CALD1: variants seen among roughly 807,000 people sequenced by gnomAD.
The protein encoded by CALD1 is caldesmon 1.
In CALD1, 33 loss-of-function variants were observed where a neutral mutation model predicts 99.9. That is an observed-to-expected ratio of 0.33 (90% CI 0.25 to 0.44). CALD1 has a LOEUF of 0.44. Ranked by LOEUF, CALD1 falls within the 20% of genes least tolerant of loss-of-function variation. The pLI, the probability that CALD1 is intolerant of heterozygous loss-of-function variation, is 1.00. For missense variants in CALD1, 861 were observed against 962.1 expected (o/e 0.89, Z 1.39); for synonymous variants, 310 against 325.0 (o/e 0.95, Z 0.50).
chr7:134,721,706 C>T, the CALD1 span, among the ~76,000 whole-genome samples: 2 of 152,048 alleles, frequency 1.3e-5, no homozygotes, highest in African/African-American at 2.4e-5. Flanking sequence ...CCCTTCTTGG[C>T]GGTAGTGTCT....
chr7:134,955,893 G>A (rs1807727699), intron 9 of CALD1, among the ~76,000 whole-genome samples: 1 of 152,134 alleles, frequency 6.6e-6, no homozygotes, highest in African/African-American at 2.4e-5. Context: ...AAATAGGATA[G>A]ATGGATGGAT....
intron 1 of CALD1, among the ~76,000 whole-genome samples, chr7:134,747,027 A>G (rs542605069): frequency 1.1e-5 from 1 of 88,604 alleles, no homozygotes; most frequent in Admixed American, 1.3e-4. Context: ...AAAATTTTAG[A>G]AGACTTAGTC....
upstream of CALD1, chr7:134,779,608 C>CG: frequency 2.5e-6 from 1 of 398,578 alleles, no homozygotes; most frequent in Non-Finnish European, 4.4e-6. Flanking sequence ...CAAGGAAGGG[C>CG]GGTCTGGAGT....
chr7:134,853,145 AAC>A (rs1452030332), intron 2 of CALD1, among the ~76,000 whole-genome samples: 1 of 152,152 alleles, frequency 6.6e-6, no homozygotes, highest in Admixed American at 6.5e-5. Context: ...GAATTCTGGC[AAC>A]AGTTTCTGAT....
chr7:134,759,107 C>T (rs990399434), intron 1 of CALD1, among the ~76,000 whole-genome samples: 3 of 152,312 alleles, frequency 2.0e-5, no homozygotes, highest in Middle Eastern at 3.4e-3. Context: ...AAATGCATGA[C>T]CATCACGTTT....
At chr7:134,873,745 A>G (rs1232730270) in intron 3 of CALD1, among the ~76,000 whole-genome samples, 1 of 152,194 alleles carries the variant, frequency 6.6e-6, no homozygotes, top group East Asian at 1.9e-4. Context: ...AAATTATTCA[A>G]TCTTTCAAAT....
chr7:134,865,836 G>T (rs1800780227), intron 2 of CALD1, among the ~76,000 whole-genome samples: 1 of 152,202 alleles, frequency 6.6e-6, no homozygotes, highest in African/African-American at 2.4e-5. Context: ...CAAACAGCCA[G>T]AATGACTACT....
In CALD1 at chr7:134,947,600, G is replaced by A; in HGVS notation, c.1625G>A (p.Arg542His). Residue 542 changes from arginine (R) to histidine (H), a missense_variant, in exon 8 of 15, where the codon CGT (arginine) becomes CAT (histidine). By Grantham distance (29) the Arg-to-His change is conservative. Around this residue, in one of 5 missense-constraint regions of CALD1, gnomAD observed 293 missense variants for 262.7 expected, o/e 1.12. Transcript: ENST00000361675. ...AAAAGGCTGGAGGAGCTTCGTCGTC[G>A]TCGCGGGGAGACCGAGAGCGAAGAG... ...AGKRLEELRR[R>H]RGETESEEFE... 1.3e-6 allele frequency: 2 copies of A among 1,561,606 alleles called. No individual in the cohort carries two copies. The highest frequency in any genetic ancestry group is 1.7e-6 in the Non-Finnish European group (2 of 1,152,572).
chr7:134,800,570 A>C (rs370035308), intron 1 of CALD1, among the ~76,000 whole-genome samples: 10 of 152,190 alleles, frequency 6.6e-5, no homozygotes, highest in East Asian at 5.8e-4. Context: ...TTATTACATA[A>C]ATTTAAAACC....
chr7:134,716,984 A>G, the CALD1 span, among the ~76,000 whole-genome samples: 1 of 152,192 alleles, frequency 6.6e-6, no homozygotes, highest in Non-Finnish European at 1.5e-5. Context: ...GAAGCTTTAT[A>G]TATATACTTA....
upstream of CALD1, among the ~76,000 whole-genome samples, chr7:134,743,907 T>C (rs982686299): frequency 2.0e-5 from 3 of 152,232 alleles, no homozygotes; most frequent in African/African-American, 7.2e-5. Context: ...GAGGTCTATT[T>C]TAGTATGATC....
At chr7:134,856,346 G>A (rs1586122339) in intron 2 of CALD1, among the ~76,000 whole-genome samples, 1 of 152,166 alleles carries the variant, frequency 6.6e-6, no homozygotes, top group African/African-American at 2.4e-5. Flanking sequence ...GAGATGGTGA[G>A]AAAAGATAAA....
intron 14 of CALD1, among the ~76,000 whole-genome samples, chr7:134,967,886 G>C (rs1043441187): frequency 1.3e-5 from 2 of 152,200 alleles, no homozygotes; most frequent in Non-Finnish European, 2.9e-5. Context: ...GCTCACACCT[G>C]TAATTCCAAC....
At chr7:134,873,354 C>T (rs1586169071) in intron 3 of CALD1, among the ~76,000 whole-genome samples, 1 of 152,260 alleles carries the variant, frequency 6.6e-6, no homozygotes, top group Non-Finnish European at 1.5e-5. Context: ...TTCATCAACA[C>T]TTGATTTGTT....
At chr7:134,930,815 T>A (rs1240398916) in intron 4 of CALD1, among the ~76,000 whole-genome samples, 1 of 152,258 alleles carries the variant, frequency 6.6e-6, no homozygotes, top group Non-Finnish European at 1.5e-5. Context: ...AAGCACTCAA[T>A]AAATTTTCAC....
intron 5 of CALD1, among the ~76,000 whole-genome samples, chr7:134,934,607 G>T (rs962281491): frequency 6.6e-6 from 1 of 152,142 alleles, no homozygotes; most frequent in African/African-American, 2.4e-5. Context: ...AAACAGGCTG[G>T]GTACAGTGGC....
chr7:134,952,883 C>G (rs141414179), intron 9 of CALD1, among the ~76,000 whole-genome samples: 2 of 152,260 alleles, frequency 1.3e-5, no homozygotes, highest in African/African-American at 4.8e-5. Context: ...TTAAACTAAG[C>G]CACAGAGGGA....
At chr7:134,922,858 T>TAAA (rs1804716928) in intron 3 of CALD1, among the ~76,000 whole-genome samples, 1 of 152,240 alleles carries the variant, frequency 6.6e-6, no homozygotes, top group African/African-American at 2.4e-5. Flanking sequence ...GGCCTGGTGT[T>TAAA]AAAGACCTAA....
At position 134,968,650 on chromosome 7, in the gene CALD1, G is replaced by A; in HGVS notation, c.*305G>A. 1 of 595,636 alleles carries A rather than the reference G, an allele frequency of 1.7e-6. No homozygotes were observed. The highest frequency in any genetic ancestry group is 2.3e-5 in the Admixed American group (1 of 44,110). The allele number at this position is 595,636 out of a possible 1,614,324, so 36.9% of individuals were successfully genotyped here. ...AGCAGTGATACCAACCACATCTGAA[G>A]TCAACAGAAGATCCAAGTTTAAAAT... On this transcript the variant is annotated 3_prime_UTR_variant, in exon 15 of 15. Coordinates refer to ENST00000361675, the MANE Select transcript of CALD1 (RefSeq NM_033138.4).
Sources: allele counts gnomAD v4.1 joint callset (sites outside exome capture counted in the v4.1 genomes callset), GRCh38; gene constraint gnomAD v4.1.1; regional missense constraint gnomAD v4.1.1; transcripts MANE v1.5; gene names NCBI Gene and HGNC (gene_info 2026-07-23, HGNC 2026-07-21).